Variants in AUTS2 observed in about 807,000 individuals in gnomAD.
AUTS2 encodes the protein activator of transcription and developmental regulator AUTS2, also known as autism susceptibility gene 2 protein.
In AUTS2, 17 loss-of-function variants were observed where a neutral mutation model predicts 112.4. That is an observed-to-expected ratio of 0.15 (90% CI 0.10 to 0.23). The LOEUF is 0.23. AUTS2 is among the 10% of genes least tolerant of loss of function. The probability of loss-of-function intolerance (pLI) is 1.00; values close to 1 mark genes in which losing one functional copy is unlikely to be tolerated. For missense variants in AUTS2, 1,510 were observed against 1,701.6 expected, an observed-to-expected ratio of 0.89 and a Z score of 1.98; for synonymous variants, 751 against 702.7, an observed-to-expected ratio of 1.07 and a Z score of -1.09.
chr7:70,128,036 C>T (rs887195996), intron 3 of AUTS2, among the ~76,000 whole-genome samples: 2 of 150,542 alleles, frequency 1.3e-5, no homozygotes, highest in Non-Finnish European at 3.0e-5. Context: ...TGAGCCACTA[C>T]CATGAATGAG....
At position 70,762,329 on chromosome 7, in the gene AUTS2, G is replaced by A. The variant is rs370579898; in HGVS notation, c.743-541G>A. The stretch of plus-strand genomic sequence containing the variant: ...CTGTTTTTTCTCATACAGAGACAGA[G>A]TCTCGCTACGTTGCCCAGGGTGCTC... On this transcript the variant is annotated intron_variant, in intron 6 of 18. Transcript: ENST00000342771. Among the ~76,000 whole-genome samples, 111 of 152,240 alleles carry A rather than the reference G, an allele frequency of 7.3e-4. 4 individuals carry two copies. The South Asian group carries it at 0.022, about 30-fold the overall frequency.
intron 4 of AUTS2, among the ~76,000 whole-genome samples, chr7:70,305,781 T>C (rs375734060): frequency 4.3e-4 from 65 of 152,310 alleles, no homozygotes; most frequent in African/African-American, 1.5e-3. Context: ...TTTTCCATCA[T>C]TTCAAGGTGC....
At chr7:70,779,537 A>T (rs1390771551) in intron 14 of AUTS2, among the ~76,000 whole-genome samples, 1 of 152,190 alleles carries the variant, frequency 6.6e-6, no homozygotes, top group Non-Finnish European at 1.5e-5. Context: ...GTGATGGGTG[A>T]GTGGGACGTT....
intron 4 of AUTS2, among the ~76,000 whole-genome samples, chr7:70,229,141 T>C (rs1357629025): frequency 2.0e-5 from 3 of 152,076 alleles, no homozygotes; most frequent in Admixed American, 6.6e-5. Context: ...TAGCCTCCTA[T>C]AGTTACCTAC....
chr7:70,790,284 C>T lies in AUTS2; in HGVS notation c.3068C>T (p.Pro1023Leu), dbSNP rs544784004. ...CACCCGGGGCCCCTGGCCTCGATGCCCATGACGGTGGGGGTGACGGGCATT... is the reference window on the plus strand; with the variant it reads ...CACCCGGGGCCCCTGGCCTCGATGCTCATGACGGTGGGGGTGACGGGCATT... Reference protein sequence around the residue: ...SVHPGPLASMPMTVGVTGIHP... With the variant: ...SVHPGPLASMLMTVGVTGIHP... Residue 1023 changes from proline to leucine, a missense_variant, in exon 19 of 19, where the codon CCC becomes CTC. By Grantham distance (98) the Pro-to-Leu change is moderately conservative. Coordinates refer to ENST00000342771, the MANE Select transcript of AUTS2 (RefSeq NM_015570.4). This position sits in a 1 kb window ranked among gnomAD's most constrained non-coding sequence, Gnocchi z 7.6. 6.2e-7 allele frequency: 1 copy of T among 1,613,420 alleles called. No homozygotes were observed. Among genetic ancestry groups the T allele is most frequent in the Non-Finnish European group, 8.5e-7 (1 of 1,179,960 alleles).
At chr7:70,528,623 C>T (rs1799953413) in intron 5 of AUTS2, among the ~76,000 whole-genome samples, 1 of 141,424 alleles carries the variant, frequency 7.1e-6, no homozygotes, top group African/African-American at 2.6e-5. Context: ...AAAAATATAC[C>T]ATCTAGTGCC....
chr7:70,114,581 T>C (rs1805260139), intron 2 of AUTS2, among the ~76,000 whole-genome samples: 2 of 151,916 alleles, frequency 1.3e-5, no homozygotes, highest in South Asian at 4.2e-4. Context: ...TCACCTGAGG[T>C]TGGGGGTTTG....
At chr7:70,066,539 A>T (rs1470386329) in intron 2 of AUTS2, among the ~76,000 whole-genome samples, 1 of 137,866 alleles carries the variant, frequency 7.3e-6, no homozygotes, top group African/African-American at 2.7e-5. Context: ...TACCCAGTAA[A>T]TTTTTTTTTT....
intron 1 of AUTS2, among the ~76,000 whole-genome samples, chr7:69,838,327 A>G (rs1791817085): frequency 6.6e-6 from 1 of 152,166 alleles, no homozygotes; most frequent in Non-Finnish European, 1.5e-5. Context: ...TGATGATAGC[A>G]GAATCTCTAA....
At chr7:69,685,714 A>G (rs780150682) in intron 1 of AUTS2, among the ~76,000 whole-genome samples, 206 of 149,998 alleles carry the variant, frequency 1.4e-3, no homozygotes, top group Non-Finnish European at 2.5e-3. Flanking sequence ...GAAAGGATCC[A>G]TGCCCTTTTT....
intron 6 of AUTS2, among the ~76,000 whole-genome samples, chr7:70,735,826 G>A (rs561910815): frequency 1.1e-4 from 17 of 152,266 alleles, no homozygotes; most frequent in African/African-American, 3.9e-4. Context: ...CTAGATGAAC[G>A]GAACTACAAA....
At chr7:69,755,044 A>G (rs1313320861) in intron 1 of AUTS2, among the ~76,000 whole-genome samples, 2 of 152,176 alleles carry the variant, frequency 1.3e-5, no homozygotes, top group Non-Finnish European at 2.9e-5. Flanking sequence ...GAGGGAGCAC[A>G]ATTAATTGTT....
chr7:70,786,476 C>G (rs1258088396), intron 17 of AUTS2, among the ~76,000 whole-genome samples: 1 of 150,904 alleles, frequency 6.6e-6, no homozygotes, highest in Non-Finnish European at 1.5e-5. Flanking sequence ...GCGACACCAC[C>G]AGGCTTGGGA....
At chr7:69,741,269 C>T (rs1306267579) in intron 1 of AUTS2, among the ~76,000 whole-genome samples, 5 of 152,140 alleles carry the variant, frequency 3.3e-5, no homozygotes, top group East Asian at 1.9e-4. Context: ...ATCCTGGATT[C>T]GAATCTGGGC....
intron 2 of AUTS2, among the ~76,000 whole-genome samples, chr7:70,028,602 C>G (rs528473890): frequency 2.0e-5 from 3 of 152,322 alleles, no homozygotes; most frequent in African/African-American, 4.8e-5. Context: ...ATGGACATAT[C>G]CTGTGGATGT....
intron 6 of AUTS2, among the ~76,000 whole-genome samples, chr7:70,724,246 C>T (rs913939938): frequency 1.3e-5 from 2 of 151,972 alleles, no homozygotes; most frequent in African/African-American, 4.8e-5. Flanking sequence ...CACATATATA[C>T]CTTTAGGTGT....
At chr7:70,095,746 T>C (rs964542827) in intron 2 of AUTS2, among the ~76,000 whole-genome samples, 1 of 152,204 alleles carries the variant, frequency 6.6e-6, no homozygotes, top group South Asian at 2.1e-4. Flanking sequence ...TTCTAGATGC[T>C]GTAGACTCTG....
At chr7:69,915,512 G>A (rs911375216) in intron 2 of AUTS2, among the ~76,000 whole-genome samples, 1 of 152,060 alleles carries the variant, frequency 6.6e-6, no homozygotes, top group Non-Finnish European at 1.5e-5. Context: ...GAAAATAGGT[G>A]TATTTTCTAG....
intron 1 of AUTS2, among the ~76,000 whole-genome samples, chr7:69,721,585 G>C (rs1252342956): frequency 6.6e-6 from 1 of 152,152 alleles, no homozygotes; most frequent in Non-Finnish European, 1.5e-5. Context: ...GCCTATCACA[G>C]TGAGAAGAGC....
Sources: allele counts gnomAD v4.1 joint callset (sites outside exome capture counted in the v4.1 genomes callset), GRCh38; gene constraint gnomAD v4.1.1; non-coding constraint Gnocchi (gnomAD v3.1); transcripts MANE v1.5; gene names NCBI Gene and HGNC (gene_info 2026-07-23, HGNC 2026-07-21).